Variants in PCDHB2 observed in about 807,000 individuals in gnomAD.
The protein encoded by PCDHB2 is protocadherin beta 2, also known as protocadherin beta-2.
For synonymous variants in PCDHB2, 395 were observed against 464.9 expected, an observed-to-expected ratio of 0.85 and a Z score of 1.93; for missense variants, 914 against 1,023.1, an observed-to-expected ratio of 0.89 and a Z score of 1.45.
Position 141,094,912 on chromosome 5 carries a change from C to G in PCDHB2, c.122C>G (p.Thr41Arg). The G allele has an allele frequency of 6.2e-7, 1 of 1,614,094 alleles. No homozygotes were observed. Among genetic ancestry groups the G allele is most frequent in the Non-Finnish European group, 8.5e-7 (1 of 1,180,020 alleles). Residue 41 changes from threonine to arginine, a missense_variant, in exon 1 of 1, where the codon ACG (threonine) becomes AGG (arginine). By Grantham distance (71) the Thr-to-Arg change is moderately conservative. Coordinates refer to ENST00000194155, the MANE Select transcript of PCDHB2 (RefSeq NM_018936.4). ...AGGCACTATTCAGTGGCCGAGGAAA[C>G]GGAGAGTGGCTCCTTTGTGGCCAAT... ...QPRHYSVAEE[T>R]ESGSFVANLL... is the part of the protein sequence containing the mutation.
chr5:141,095,536 A>G lies in PCDHB2; in HGVS notation c.746A>G (p.Tyr249Cys), dbSNP rs782664841. 3.7e-6 allele frequency: 6 copies of G among 1,614,136 alleles called. No homozygotes were observed. The highest frequency in any genetic ancestry group is 5.1e-6 in the Non-Finnish European group (6 of 1,179,990). ...GTCCCAGAGTTTGCAAAGCTGCTCT[A>G]TGAGGTGCAGATCCCGGAGGACAGC... ...DNVPEFAKLL[Y>C]EVQIPEDSPV... Residue 249 changes from tyrosine (Y) to cysteine (C), a missense_variant, in exon 1 of 1, where the codon TAT (tyrosine) becomes TGT (cysteine). Coordinates refer to ENST00000194155, the MANE Select transcript of PCDHB2 (RefSeq NM_018936.4).
chr5:141,096,168 C>G lies in PCDHB2; in HGVS notation c.1378C>G (p.Leu460Val). 6.2e-7 allele frequency: 1 copy of G among 1,613,396 alleles called. No individual in the cohort carries two copies. Among genetic ancestry groups the G allele is most frequent in the South Asian group, 1.1e-5 (1 of 91,038 alleles). The change falls in exon 1 of 1, where the codon CTG becomes GTG. Residue 460 changes from leucine (L) to valine (V), a missense_variant. Transcript: ENST00000194155. ...CGCCTTCACCCAAACCTCCTACACC[C>G]TGTTCGTCCGCGAGAACAACAGCCC... is the stretch of plus-strand genomic sequence containing the variant. Reference protein sequence around the residue: ...APAFTQTSYTLFVRENNSPAL... With the variant: ...APAFTQTSYTVFVRENNSPAL...
Position 141,096,449 on chromosome 5 carries a change from G to A in PCDHB2, c.1659G>A (p.Val553=). ...GCGAGGCGCTGGTGCGCGTGCTGGT[G>A]CTGGACGCCAACGACAACTCGCCCT... ...LSSEALVRVL[V]LDANDNSPFV... is the part of the protein sequence containing the mutation. Residue 553 remains valine (V), a synonymous_variant, in exon 1 of 1, where the codon GTG becomes GTA. Coordinates refer to ENST00000194155, the MANE Select transcript of PCDHB2 (RefSeq NM_018936.4). 1 of 1,611,300 alleles carries A rather than the reference G, an allele frequency of 6.2e-7. No homozygotes were observed. Among genetic ancestry groups the A allele is most frequent in the Non-Finnish European group, 8.5e-7 (1 of 1,179,388 alleles).
chr5:141,096,569 G>A lies in PCDHB2; in HGVS notation c.1779G>A (p.Ala593=), dbSNP rs1554271559. The A allele has an allele frequency of 1.9e-6, 3 of 1,606,064 alleles. No homozygotes were observed. Among genetic ancestry groups the A allele is most frequent in the African/African-American group, 1.3e-5 (1 of 74,908 alleles). Residue 593 remains alanine, a synonymous_variant, in exon 1 of 1, where the codon GCG becomes GCA. Transcript: ENST00000194155. ...GCTACCTGGTGACCAAGGTGGTGGC[G>A]GTGGACGGCGACTCGGGCCAGAACG... The part of the protein sequence containing the change: ...EPGYLVTKVV[A]VDGDSGQNAW...
Position 141,096,254 on chromosome 5 carries a change from C to A in PCDHB2, c.1464C>A (p.Val488=), listed in dbSNP as rs782241922. ...TDRDSGTNAQ[V]TYSLLPPQDP... is the part of the protein sequence containing the mutation. ...GAGACTCGGGCACCAACGCCCAGGTCACCTACTCGCTGCTGCCGCCCCAGG... is the reference window on the plus strand; with the variant it reads ...GAGACTCGGGCACCAACGCCCAGGTAACCTACTCGCTGCTGCCGCCCCAGG... The change falls in exon 1 of 1, where the codon GTC becomes GTA. Residue 488 remains valine, a synonymous_variant. Transcript: ENST00000194155. 2.3e-5 allele frequency: 37 copies of A among 1,613,080 alleles called. No individual in the cohort carries two copies. Among genetic ancestry groups the A allele is most frequent in the African/African-American group, 6.7e-5 (5 of 75,042 alleles).
rs782060822 is a variant in PCDHB2, at chr5:141,096,326, C to T, written c.1536C>T (p.Asn512=). Residue 512 remains asparagine (N), a synonymous_variant, in exon 1 of 1, where the codon AAC becomes AAT. Transcript: ENST00000194155. ...CCCTGGTCTCCATCAACGCGGACAA[C>T]GGCCACCTGTTCGCTCTCCAGTCGC... ...LASLVSINAD[N]GHLFALQSLD... is the part of the protein sequence containing the mutation. The T allele has an allele frequency of 2.5e-6, 4 of 1,613,386 alleles. No homozygotes were observed. The highest frequency in any genetic ancestry group is 1.1e-5 in the South Asian group (1 of 91,046).
Position 141,095,201 on chromosome 5 carries a change from CAAAG to C in PCDHB2, c.415_418del (p.Glu139TyrfsTer3). 1.2e-6 allele frequency: 2 copies of C among 1,610,164 alleles called. No homozygotes were observed. Among genetic ancestry groups the C allele is most frequent in the Non-Finnish European group, 1.7e-6 (2 of 1,178,136 alleles). ...ATGATCATTCCCCAGTTTTCCTAGA[CAAAG>C]AAATACTTTTGAAAATTCCAGAAAG... is the stretch of plus-strand genomic sequence containing the variant. On this transcript the variant is annotated frameshift_variant, in exon 1 of 1. Coordinates refer to ENST00000194155, the MANE Select transcript of PCDHB2 (RefSeq NM_018936.4). LOFTEE classifies it low-confidence loss of function (END_TRUNC).
In PCDHB2 at chr5:141,096,186, A is replaced by T. The variant is rs1751814704; in HGVS notation, c.1396A>T (p.Asn466Tyr). Residue 466 changes from asparagine to tyrosine, a missense_variant, in exon 1 of 1, where the codon AAC (asparagine) becomes TAC (tyrosine). Coordinates refer to ENST00000194155, the MANE Select transcript of PCDHB2 (RefSeq NM_018936.4). The stretch of plus-strand genomic sequence containing the variant: ...CTACACCCTGTTCGTCCGCGAGAAC[A>T]ACAGCCCCGCCCTGCACATCGGCAG... ...TSYTLFVREN[N>Y]SPALHIGSVS... 1 of 1,613,004 alleles carries T rather than the reference A, an allele frequency of 6.2e-7. No individual in the cohort carries two copies. Among genetic ancestry groups the T allele is most frequent in the South Asian group, 1.1e-5 (1 of 91,034 alleles).
rs535385168 is a variant in PCDHB2 at position 141,097,487 on chromosome 5, A to G, written c.*300A>G. On this transcript the variant is annotated 3_prime_UTR_variant, in exon 1 of 1. Transcript: ENST00000194155. ...GCATCTTTTCCAGACCTCACAGTCT[A>G]TGGTCCTAGATAATTTTGAAGTCCT... is the stretch of plus-strand genomic sequence containing the variant. 9.7e-5 allele frequency: 25 copies of G among 258,138 alleles called. No individual in the cohort carries two copies. The highest frequency in any genetic ancestry group is 1.4e-3 in the Middle Eastern group (1 of 732). The allele number at this position is 258,138 out of a possible 1,614,324, so 16.0% of individuals were successfully genotyped here.
At position 141,095,339 on chromosome 5, in the gene PCDHB2, T is replaced by G. The variant is rs1554271233; in HGVS notation, c.549T>G (p.Asn183Lys). ...TISPNFHFHLNLQDSLDGIIL... is the reference protein window; with the variant it reads ...TISPNFHFHLKLQDSLDGIIL... ...GTCCCAATTTCCACTTTCATCTTAATTTACAAGACAGTCTCGATGGCATAA... is the reference window on the plus strand; with the variant it reads ...GTCCCAATTTCCACTTTCATCTTAAGTTACAAGACAGTCTCGATGGCATAA... Residue 183 changes from asparagine (N) to lysine (K), a missense_variant, in exon 1 of 1, where the codon AAT (asparagine) becomes AAG (lysine). Coordinates refer to ENST00000194155, the MANE Select transcript of PCDHB2 (RefSeq NM_018936.4). 1 of 1,613,788 alleles carries G rather than the reference T, an allele frequency of 6.2e-7. No individual in the cohort carries two copies. The highest frequency in any genetic ancestry group is 2.2e-5 in the East Asian group (1 of 44,872).
At position 141,094,728 on chromosome 5, in the gene PCDHB2, G is replaced by A. The variant is rs1588300909; in HGVS notation, c.-63G>A. 1 of 1,315,914 alleles carries A rather than the reference G, an allele frequency of 7.6e-7. No homozygotes were observed. The highest frequency in any genetic ancestry group is 1.1e-6 in the Non-Finnish European group (1 of 951,990). 81.5% of individuals were successfully genotyped at this position (1,315,914 alleles called of 1,614,324 possible). ...CATCCCAGTATCAGCGAGATACGGG[G>A]AGATAGAGTTAGCGACAACGTGAGC... On this transcript the variant is annotated 5_prime_UTR_variant, in exon 1 of 1. Coordinates refer to ENST00000194155, the MANE Select transcript of PCDHB2 (RefSeq NM_018936.4).
rs1751765212 is a variant in PCDHB2 at position 141,094,851 on chromosome 5, G to C, written c.61G>C (p.Val21Leu). The C allele has an allele frequency of 1.2e-6, 2 of 1,604,758 alleles. No individual in the cohort carries two copies. The highest frequency in any genetic ancestry group is 1.3e-5 in the African/African-American group (1 of 74,292). ...ACAAAGGCAAGTCCTGATATTCTTT[G>C]TTTTGCTGGGCATAGCTCAGGCTAG... The part of the protein sequence containing the change: ...PKQRQVLIFF[V>L]LLGIAQASCQ... The change falls in exon 1 of 1, where the codon GTT becomes CTT. Residue 21 changes from valine to leucine, a missense_variant. Val to Leu is a conservative substitution (Grantham distance 32, BLOSUM62 1). Coordinates refer to ENST00000194155, the MANE Select transcript of PCDHB2 (RefSeq NM_018936.4).
Position 141,098,466 on chromosome 5 carries a change from T to A in PCDHB2, c.*1279T>A, listed in dbSNP as rs1268541724. 4 of 152,210 alleles carry A rather than the reference T, an allele frequency of 2.6e-5. No homozygotes were observed. The highest frequency in any genetic ancestry group is 7.2e-5 in the African/African-American group (3 of 41,442). 9.4% of individuals were successfully genotyped at this position (152,210 alleles called of 1,614,324 possible). A position where few individuals can be genotyped will look rare whatever the true frequency, so the allele number is the denominator to read the frequency against. On this transcript the variant is annotated 3_prime_UTR_variant, in exon 1 of 1. Coordinates refer to ENST00000194155, the MANE Select transcript of PCDHB2 (RefSeq NM_018936.4). The stretch of plus-strand genomic sequence containing the variant: ...AAAATTTATCTAGCACCACTCACTC[T>A]ATTTTTTTGCACTGACTACTTCTAT...
rs145352552 is a variant in PCDHB2 at position 141,095,793 on chromosome 5, G to C, written c.1003G>C (p.Val335Leu). ...TGGGGGCCTATCTGGAACTTGTGTG[G>C]TATTTGTCCAAGTGATGGATTTGAA... ...DGGGLSGTCV[V>L]FVQVMDLNDN... Residue 335 changes from valine (V) to leucine (L), a missense_variant, in exon 1 of 1, where the codon GTA becomes CTA. Coordinates refer to ENST00000194155, the MANE Select transcript of PCDHB2 (RefSeq NM_018936.4). 55 of 1,614,146 alleles carry C rather than the reference G, an allele frequency of 3.4e-5. No individual in the cohort carries two copies. In the African/African-American group the frequency reaches 6.0e-4, roughly 18 times the overall value.
rs201626949 is a variant in PCDHB2 at position 141,095,692 on chromosome 5, G to T, written c.902G>T (p.Gly301Val). Residue 301 changes from glycine (G) to valine (V), a missense_variant, in exon 1 of 1, where the codon GGA (glycine) becomes GTA (valine). Physicochemically the swap from Gly to Val is moderately radical, Grantham distance 109. Transcript: ENST00000194155. ...RKTFRLSAKS[G>V]ELLLRQKLDF... ...ACGTTTCGATTAAGTGCAAAATCGG[G>T]AGAACTGCTTTTAAGACAGAAACTG... The T allele has an allele frequency of 1.9e-6, 3 of 1,614,052 alleles. No homozygotes were observed. The African/African-American group carries it at 4.0e-5, about 22-fold the overall frequency.
rs1554271851 is a variant in PCDHB2 at position 141,098,314 on chromosome 5, C to A, written c.*1127C>A. On this transcript the variant is annotated 3_prime_UTR_variant, in exon 1 of 1. Transcript: ENST00000194155. ...TAACTTTGAGCACTTCATTAAAATCCAAAAAATTTGAGGGAGTACATGTCT... is the reference window on the plus strand; with the variant it reads ...TAACTTTGAGCACTTCATTAAAATCAAAAAAATTTGAGGGAGTACATGTCT... 6.6e-6 allele frequency: 1 copy of A among 151,960 alleles called. No individual in the cohort carries two copies. Among genetic ancestry groups the A allele is most frequent in the Non-Finnish European group, 1.5e-5 (1 of 67,994 alleles). 9.4% of individuals were successfully genotyped at this position (151,960 alleles called of 1,614,324 possible).
In PCDHB2 at chr5:141,096,476, C is replaced by G. The variant is rs17844377; in HGVS notation, c.1686C>G (p.Phe562Leu). ...LVLDANDNSP[F>L]VLYPLQNGSA... ...TGGACGCCAACGACAACTCGCCCTT[C>G]GTGCTGTACCCGCTGCAGAACGGCT... Residue 562 changes from phenylalanine (F) to leucine (L), a missense_variant, in exon 1 of 1, where the codon TTC becomes TTG. Physicochemically the swap from Phe to Leu is conservative, Grantham distance 22. Transcript: ENST00000194155. 3 of 1,610,334 alleles carry G rather than the reference C, an allele frequency of 1.9e-6. No individual in the cohort carries two copies. Among genetic ancestry groups the G allele is most frequent in the East Asian group, 2.2e-5 (1 of 44,822 alleles).
In PCDHB2 at chr5:141,095,683, C is replaced by T. The variant is rs1338102192; in HGVS notation, c.893C>T (p.Ala298Val). 1 of 1,614,170 alleles carries T rather than the reference C, an allele frequency of 6.2e-7. No homozygotes were observed. Among genetic ancestry groups the T allele is most frequent in the Non-Finnish European group, 8.5e-7 (1 of 1,180,038 alleles). Residue 298 changes from alanine to valine, a missense_variant, in exon 1 of 1, where the codon GCA becomes GTA. Transcript: ENST00000194155. Reference protein sequence around the residue: ...EDIRKTFRLSAKSGELLLRQK... With the variant: ...EDIRKTFRLSVKSGELLLRQK... ...ATTCGCAAAACGTTTCGATTAAGTG[C>T]AAAATCGGGAGAACTGCTTTTAAGA...
rs782060168 is a variant in PCDHB2, at chr5:141,095,275, T to G, written c.485T>G (p.Leu162Trp). Reference protein sequence around the residue: ...TTFLIERAQDLDVGTNSLQNY... With the variant: ...TTFLIERAQDWDVGTNSLQNY... The stretch of plus-strand genomic sequence containing the variant: ...TTCTTAATAGAACGTGCCCAGGACT[T>G]GGATGTAGGAACCAACAGTCTCCAA... The change falls in exon 1 of 1, where the codon TTG becomes TGG. Residue 162 changes from leucine (L) to tryptophan (W), a missense_variant. Leu to Trp is a moderately conservative substitution (Grantham distance 61). Coordinates refer to ENST00000194155, the MANE Select transcript of PCDHB2 (RefSeq NM_018936.4). 6.2e-7 allele frequency: 1 copy of G among 1,614,160 alleles called. No homozygotes were observed. The highest frequency in any genetic ancestry group is 8.5e-7 in the Non-Finnish European group (1 of 1,179,990).
Sources: gnomAD v4.1 joint callset for allele counts on GRCh38, gnomAD v4.1.1 for gene constraint, MANE v1.5 for transcripts, NCBI Gene and HGNC (gene_info 2026-07-23, HGNC 2026-07-21) for gene names.